Variants in ZNF385D observed in about 807,000 individuals in gnomAD.
The protein encoded by ZNF385D is zinc finger protein 385D, also known as zinc finger protein 659.
ZNF385D carries 15 observed loss-of-function variants against 35.8 expected under a neutral mutation model. The observed-to-expected ratio is 0.42, with a 90% CI of 0.28 to 0.64. The LOEUF (loss-of-function observed/expected upper bound fraction) is 0.64. Ranked by LOEUF, ZNF385D falls within the 30% of genes least tolerant of loss-of-function variation. The pLI, the probability that ZNF385D is intolerant of heterozygous loss-of-function variation, is 0.23. For missense variants in ZNF385D, 474 were observed against 494.6 expected, an observed-to-expected ratio of 0.96 and a Z score of 0.39; for synonymous variants, 212 against 186.8, an observed-to-expected ratio of 1.13 and a Z score of -1.10.
chr3:21,838,318 G>T (rs1041525001), intron 3 of ZNF385D, among the ~76,000 whole-genome samples: 2 of 152,068 alleles, frequency 1.3e-5, no homozygotes, highest in African/African-American at 2.4e-5. Flanking sequence ...GTACTTGGAG[G>T]ATCTGGGAGA....
At chr3:21,470,795 C>T (rs982471120) in intron 4 of ZNF385D, among the ~76,000 whole-genome samples, 6 of 151,922 alleles carry the variant, frequency 3.9e-5, no homozygotes, top group African/African-American at 7.3e-5. Flanking sequence ...AAAATCCTGT[C>T]TTTTTGTAGT....
intron 3 of ZNF385D, among the ~76,000 whole-genome samples, chr3:21,905,284 C>A (rs1422386080): frequency 1.4e-5 from 2 of 142,480 alleles, no homozygotes; most frequent in African/African-American, 2.6e-5. Flanking sequence ...ACAAAAACAA[C>A]TTTTCATAGC....
intron 3 of ZNF385D, among the ~76,000 whole-genome samples, chr3:22,029,325 T>C (rs1697772042): frequency 6.6e-6 from 1 of 152,182 alleles, no homozygotes; most frequent in Non-Finnish European, 1.5e-5. Context: ...TTAGGGCTTC[T>C]CATAGTATGA....
At chr3:22,069,056 TTA>T (rs761165299) in intron 3 of ZNF385D, among the ~76,000 whole-genome samples, 80 of 152,330 alleles carry the variant, frequency 5.3e-4, no homozygotes, top group Non-Finnish European at 8.5e-4. Context: ...ATCTCTAAAA[TTA>T]TATGTGTTCA....
intron 2 of ZNF385D, among the ~76,000 whole-genome samples, chr3:22,280,490 T>A (rs1488696329): frequency 6.6e-6 from 1 of 152,068 alleles, no homozygotes; most frequent in Non-Finnish European, 1.5e-5. Flanking sequence ...TACATGTGGC[T>A]TGCCGATTAT....
chr3:22,122,575 T>G (rs770096983), intron 3 of ZNF385D, among the ~76,000 whole-genome samples: 1 of 152,126 alleles, frequency 6.6e-6, no homozygotes. Flanking sequence ...TCTCTGCATT[T>G]GTAGAGCTTA....
chr3:21,997,994 G>T (rs1695589689), intron 3 of ZNF385D, among the ~76,000 whole-genome samples: 1 of 151,504 alleles, frequency 6.6e-6, no homozygotes, highest in South Asian at 2.1e-4. Flanking sequence ...ATCAAAACAG[G>T]ATGTAGCAAA....
intron 3 of ZNF385D, among the ~76,000 whole-genome samples, chr3:21,867,249 C>T (rs1697415661): frequency 6.6e-6 from 1 of 152,112 alleles, no homozygotes; most frequent in Non-Finnish European, 1.5e-5. Flanking sequence ...AGCCTCATGA[C>T]CTAATCATCT....
intron 2 of ZNF385D, among the ~76,000 whole-genome samples, chr3:22,263,513 G>A (rs1387654955): frequency 2.6e-5 from 4 of 151,928 alleles, no homozygotes; most frequent in Non-Finnish European, 4.4e-5. Context: ...TTTTATGAAT[G>A]GATGCAATAT....
At chr3:22,363,249 G>A (rs1162483248) in intron 2 of ZNF385D, among the ~76,000 whole-genome samples, 1 of 152,014 alleles carries the variant, frequency 6.6e-6, no homozygotes, top group Non-Finnish European at 1.5e-5. Context: ...AAAGAGTCAA[G>A]CAGACCCCAG....
intron 2 of ZNF385D, among the ~76,000 whole-genome samples, chr3:22,245,262 CT>C (rs1699712572): frequency 6.6e-6 from 1 of 152,044 alleles, no homozygotes; most frequent in Admixed American, 6.6e-5. Context: ...AGAGATGAGA[CT>C]ACCACATTGA....
intron 2 of ZNF385D, among the ~76,000 whole-genome samples, chr3:22,243,779 G>A (rs1247964563): frequency 2.7e-5 from 4 of 150,824 alleles, no homozygotes; most frequent in African/African-American, 9.8e-5. Flanking sequence ...TGGGCAAATA[G>A]GGTGGAAAGT....
At chr3:21,584,421 T>C (rs1352502210) in intron 2 of ZNF385D, among the ~76,000 whole-genome samples, 2 of 152,208 alleles carry the variant, frequency 1.3e-5, no homozygotes, top group Non-Finnish European at 2.9e-5. Context: ...ATTTTATTAA[T>C]ATTTTTGTCT....
chr3:22,009,600 G>C (rs545504466), intron 3 of ZNF385D, among the ~76,000 whole-genome samples: 1 of 146,416 alleles, frequency 6.8e-6, no homozygotes, highest in African/African-American at 2.5e-5. Flanking sequence ...TCTAGCCTGG[G>C]CAACAGAGTG....
intron 3 of ZNF385D, among the ~76,000 whole-genome samples, chr3:22,043,294 A>C (rs1163005686): frequency 6.6e-6 from 1 of 152,034 alleles, no homozygotes; most frequent in Non-Finnish European, 1.5e-5. Flanking sequence ...AAACACCGTC[A>C]AAGATTAGAG....
chr3:22,248,315 G>T (rs1456223427), intron 2 of ZNF385D, among the ~76,000 whole-genome samples: 2 of 152,174 alleles, frequency 1.3e-5, no homozygotes, highest in East Asian at 3.9e-4. Flanking sequence ...ATTCAAGCTT[G>T]ATGAAATTGA....
At chr3:21,499,940 T>C (rs1179365702) in intron 4 of ZNF385D, among the ~76,000 whole-genome samples, 2 of 152,196 alleles carry the variant, frequency 1.3e-5, no homozygotes, top group Non-Finnish European at 2.9e-5. Context: ...TTTAAACCCA[T>C]ACCCATGTCA....
At chr3:22,289,191 A>C in intron 2 of ZNF385D, among the ~76,000 whole-genome samples, 1 of 152,114 alleles carries the variant, frequency 6.6e-6, no homozygotes, top group East Asian at 1.9e-4. Context: ...ATTCTGGCAG[A>C]ATATTTTCTG....
At position 22,149,020 on chromosome 3, in the gene ZNF385D, G is replaced by A. The variant is rs138678619; in HGVS notation, c.325+19797C>T. 2.4e-4 allele frequency among the ~76,000 whole-genome samples: 36 copies of A among 152,208 alleles called. No homozygotes were observed. In the South Asian group the frequency reaches 5.4e-3, roughly 23 times the overall value. ...CAAAAACCAGTTAAGTGGGAGTAAA[G>A]GGTGCCATGGGCTGGATGGATGCTA... On this transcript the variant is annotated intron_variant, in intron 3 of 5. Coordinates refer to the ZNF385D transcript ENST00000494108.
Sources: allele counts gnomAD v4.1 joint callset (sites outside exome capture counted in the v4.1 genomes callset), GRCh38; gene constraint gnomAD v4.1.1; transcripts MANE v1.5; gene names NCBI Gene and HGNC (gene_info 2026-07-23, HGNC 2026-07-21).